The following GABPB1 variants were observed in gnomAD, a reference collection of about 807,000 sequenced individuals.
The protein encoded by GABPB1 is GA-binding protein subunit beta-1.
GABPB1 carries 15 observed loss-of-function variants against 45.9 expected under a neutral mutation model. The ratio of observed to expected loss-of-function variants is 0.33; its 90% CI spans 0.22 to 0.50. GABPB1 has a LOEUF of 0.50. Ranked by LOEUF, GABPB1 falls within the 20% of genes least tolerant of loss-of-function variation. GABPB1 has a pLI of 0.98. For synonymous variants in GABPB1, 143 were observed against 154.4 expected (o/e 0.93, Z 0.55); for missense variants, 252 against 457.5 (o/e 0.55, Z 4.10).
At chr15:50,294,137 C>T (rs1454525728) in intron 6 of GABPB1, among the ~76,000 whole-genome samples, 6 of 152,082 alleles carry the variant, frequency 3.9e-5, no homozygotes, top group Admixed American at 6.6e-5. Flanking sequence ...AATTCAGATG[C>T]CATACAAATG....
intron 1 of GABPB1, among the ~76,000 whole-genome samples, chr15:50,321,580 T>C (rs1056142003): frequency 1.3e-5 from 2 of 151,950 alleles, no homozygotes; most frequent in Admixed American, 1.3e-4. Context: ...CTGGCACCTG[T>C]AGTCCCAGCT....
intron 6 of GABPB1, among the ~76,000 whole-genome samples, chr15:50,297,845 A>G (rs2046576892): frequency 6.6e-6 from 1 of 152,190 alleles, no homozygotes. Flanking sequence ...CCAAAAAAAG[A>G]TTCCACTGTG....
chr15:50,345,442 G>A (rs1056588664), intron 1 of GABPB1, among the ~76,000 whole-genome samples: 5 of 152,098 alleles, frequency 3.3e-5, no homozygotes, highest in Admixed American at 1.3e-4. Flanking sequence ...TGACACATGC[G>A]TGTAGTCCCA....
At chr15:50,282,706 A>G (rs1403189513) in intron 8 of GABPB1, among the ~76,000 whole-genome samples, 1 of 152,192 alleles carries the variant, frequency 6.6e-6, no homozygotes, top group East Asian at 1.9e-4. Context: ...AGTTTTTAAG[A>G]GAGCACTAAG....
chr15:50,315,258 A>T (rs1259193428), intron 1 of GABPB1, among the ~76,000 whole-genome samples: 1 of 152,108 alleles, frequency 6.6e-6, no homozygotes, highest in Non-Finnish European at 1.5e-5. Context: ...CAGTCTCCCG[A>T]GTAGCTGCAA....
chr15:50,349,905 A>G (rs1263683527), intron 1 of GABPB1: 1 of 152,226 alleles, frequency 6.6e-6, no homozygotes, highest in Non-Finnish European at 1.5e-5. Flanking sequence ...GTAAAACTAC[A>G]CTCAGAAATA....
intron 8 of GABPB1, among the ~76,000 whole-genome samples, chr15:50,285,281 A>G (rs1595732446): frequency 6.6e-6 from 1 of 152,176 alleles, no homozygotes; most frequent in East Asian, 1.9e-4. Context: ...TTGGGACACA[A>G]TAAAACTGAA....
At chr15:50,304,258 C>G in intron 2 of GABPB1, 125 bp from the exon 3 acceptor site, 1 of 625,404 alleles carries the variant, frequency 1.6e-6, no homozygotes, top group Non-Finnish European at 2.4e-6. Context: ...AAAGAAATGC[C>G]TAGATTCATG....
At chr15:50,335,474 G>A (rs1018770241) in intron 1 of GABPB1, among the ~76,000 whole-genome samples, 2 of 152,194 alleles carry the variant, frequency 1.3e-5, no homozygotes, top group African/African-American at 2.4e-5. Context: ...TCGCCAGATA[G>A]TCTGTTAACT....
chr15:50,310,240 G>T (rs12438692), intron 1 of GABPB1, among the ~76,000 whole-genome samples: 2 of 152,070 alleles, frequency 1.3e-5, no homozygotes, highest in Non-Finnish European at 2.9e-5. Flanking sequence ...CTACAGGCAT[G>T]CACCACCACA....
At chr15:50,354,265 T>TG in intron 1 of GABPB1, 1 of 370,290 alleles carries the variant, frequency 2.7e-6, no homozygotes, top group Non-Finnish European at 5.3e-6. Context: ...GCGAAGTCTT[T>TG]GGGGCAGAAG....
At chr15:50,346,708 A>G (rs911537100) in intron 1 of GABPB1, among the ~76,000 whole-genome samples, 1 of 150,184 alleles carries the variant, frequency 6.7e-6, no homozygotes, top group Non-Finnish European at 1.5e-5. Flanking sequence ...CAGATTCAGT[A>G]TCTGGTAAGG....
At position 50,289,681 on chromosome 15, in the gene GABPB1, A is replaced by C. The variant is rs781054895; in HGVS notation, c.698-13T>G. ...TCTGTGGCCACTACTGGAAAAAAAA[A>C]AAAGAAAACTCAGCAAACATATGTA... On this transcript the variant is annotated splice_polypyrimidine_tract_variant and intron_variant, in intron 6 of 8. Coordinates refer to ENST00000380877, the MANE Select transcript of GABPB1 (RefSeq NM_016654.5). 88 of 1,583,248 alleles carry C rather than the reference A, an allele frequency of 5.6e-5. No individual in the cohort carries two copies. The highest frequency in any genetic ancestry group is 7.4e-5 in the Non-Finnish European group (87 of 1,170,120).
chr15:50,335,915 A>AAAGAAG (rs60588057), intron 1 of GABPB1, among the ~76,000 whole-genome samples: 8 of 104,488 alleles, frequency 7.7e-5, no homozygotes, highest in South Asian at 2.9e-4. Flanking sequence ...AAAAAAAAAA[A>AAAGAAG]AAGAAGACTG....
In GABPB1 at chr15:50,282,560, G is replaced by GAAAAAAAGAAAAAA. The variant is rs1555506163; in HGVS notation, c.999+3507_999+3508insTTTTTTCTTTTTTT. Among the ~76,000 whole-genome samples, 33 of 89,026 alleles carry GAAAAAAAGAAAAAA rather than the reference G, an allele frequency of 3.7e-4. 1 individual carries two copies. The highest frequency in any genetic ancestry group is 6.8e-4 in the Non-Finnish European group (29 of 42,652). The allele number at this position is 89,026 out of a possible 152,430, so 58.4% of individuals were successfully genotyped here. A position where few individuals can be genotyped will look rare whatever the true frequency, so the allele number is the denominator to read the frequency against. On this transcript the variant is annotated intron_variant, in intron 8 of 8. Coordinates refer to ENST00000380877, the MANE Select transcript of GABPB1 (RefSeq NM_016654.5). ...CAAAGTGAGACCCTGCCTTAAAAAA[G>GAAAAAAAGAAAAAA]AAAAAAAAAAAAAAACAGAGACGGA...
intron 1 of GABPB1, among the ~76,000 whole-genome samples, chr15:50,330,167 G>A (rs1001859097): frequency 2.6e-5 from 4 of 152,048 alleles, no homozygotes; most frequent in Non-Finnish European, 5.9e-5. Context: ...GCCTCCCAAA[G>A]TGCAGGGATT....
intron 7 of GABPB1, among the ~76,000 whole-genome samples, chr15:50,288,928 C>T (rs1278108464): frequency 1.3e-5 from 2 of 151,942 alleles, no homozygotes; most frequent in Non-Finnish European, 2.9e-5. Flanking sequence ...TGGGCTCTAG[C>T]AATTCTCCCA....
chr15:50,327,069 G>T (rs1356065860), intron 1 of GABPB1: 1 of 151,968 alleles, frequency 6.6e-6, no homozygotes, highest in Non-Finnish European at 1.5e-5. Context: ...TCACATGAAT[G>T]TATCCCAGGA....
In GABPB1 at chr15:50,282,560, G is replaced by GAAAAAAAAAAAA. The variant is rs552203074; in HGVS notation, c.999+3496_999+3507dup. On this transcript the variant is annotated intron_variant, in intron 8 of 8. Coordinates refer to ENST00000380877, the MANE Select transcript of GABPB1 (RefSeq NM_016654.5). ...CAAAGTGAGACCCTGCCTTAAAAAAGAAAAAAAAAAAAAAACAGAGACGGA... is the reference window on the plus strand; with the variant it reads ...CAAAGTGAGACCCTGCCTTAAAAAAGAAAAAAAAAAAAAAAAAAAAAAAAAAACAGAGACGGA... Among the ~76,000 whole-genome samples, 39 of 89,006 alleles carry GAAAAAAAAAAAA rather than the reference G, an allele frequency of 4.4e-4. 6 individuals are homozygous for GAAAAAAAAAAAA. The highest frequency in any genetic ancestry group is 7.0e-4 in the Non-Finnish European group (30 of 42,638). 58.4% of individuals were successfully genotyped at this position (89,006 alleles called of 152,430 possible).
Sources: allele counts gnomAD v4.1 joint callset (sites outside exome capture counted in the v4.1 genomes callset), GRCh38; gene constraint gnomAD v4.1.1; transcripts MANE v1.5; gene names NCBI Gene and HGNC (gene_info 2026-07-23, HGNC 2026-07-21).